The following DNAJC13 variants were observed in gnomAD, a reference collection of about 807,000 sequenced individuals.
DNAJC13 encodes dnaJ homolog subfamily C member 13.
A neutral mutation model predicts 290.5 loss-of-function variants in DNAJC13; 75 were observed. The ratio of observed to expected loss-of-function variants is 0.26; its 90% confidence interval spans 0.21 to 0.31. The LOEUF (loss-of-function observed/expected upper bound fraction) is 0.31, where lower values mean the gene tolerates loss of function less well. DNAJC13 is among the 10% of genes least tolerant of loss of function. The pLI, the probability that DNAJC13 is intolerant of heterozygous loss-of-function variation, is 1.00. For missense variants in DNAJC13, 2,260 were observed against 2,674.5 expected (o/e 0.85, Z 3.42); for synonymous variants, 862 against 892.0 (o/e 0.97, Z 0.60).
chr3:132,439,439 GT>G (rs530053502), intron 2 of DNAJC13, among the ~76,000 whole-genome samples: 10,354 of 141,582 alleles, frequency 0.073, 464 homozygotes, highest in Non-Finnish European at 0.11. Flanking sequence ...GGTTTTTTTT[GT>G]TTTTTTTTTT....
intron 8 of DNAJC13, 31 bp downstream of exon 8, chr3:132,453,725 A>T: frequency 6.6e-7 from 1 of 1,518,862 alleles, no homozygotes; most frequent in Non-Finnish European, 9.0e-7. Context: ...CTTAAATGAG[A>T]TTTCTTTCTA....
At chr3:132,466,642 T>C (rs930387567) in intron 19 of DNAJC13, among the ~76,000 whole-genome samples, 3 of 152,258 alleles carry the variant, frequency 2.0e-5, no homozygotes, top group Non-Finnish European at 4.4e-5. Flanking sequence ...ATTAATGTTA[T>C]GAATAGTGGT....
intron 20 of DNAJC13, among the ~76,000 whole-genome samples, chr3:132,469,859 C>T (rs1384518572): frequency 2.0e-5 from 3 of 149,782 alleles, no homozygotes; most frequent in South Asian, 2.1e-4. Context: ...TACAGACTTC[C>T]GTGTTTTAAT....
chr3:132,514,328 A>T (rs950081258), intron 45 of DNAJC13, among the ~76,000 whole-genome samples: 1 of 152,086 alleles, frequency 6.6e-6, no homozygotes, highest in Non-Finnish European at 1.5e-5. Context: ...ATTGGAAAAC[A>T]CTATAGTATA....
intron 20 of DNAJC13, among the ~76,000 whole-genome samples, chr3:132,469,272 T>TA (rs1934104401): frequency 6.6e-6 from 1 of 152,210 alleles, no homozygotes; most frequent in Non-Finnish European, 1.5e-5. Flanking sequence ...ATGCTGTAGT[T>TA]AGAGTCTGAA....
chr3:132,474,602 TG>T (rs1405554458), intron 21 of DNAJC13, among the ~76,000 whole-genome samples: 5 of 151,534 alleles, frequency 3.3e-5, no homozygotes, highest in African/African-American at 9.8e-5. Flanking sequence ...AAATATCAGG[TG>T]TTTTTTTTTT....
chr3:132,509,503 A>C (rs1005643430), intron 43 of DNAJC13, among the ~76,000 whole-genome samples: 1 of 152,270 alleles, frequency 6.6e-6, no homozygotes, highest in Non-Finnish European at 1.5e-5. Flanking sequence ...AGTATATTAC[A>C]TAAACTGAGT....
chr3:132,484,573 GA>G lies in DNAJC13; in HGVS notation c.3183-11del. 1 of 1,612,144 alleles carries G rather than the reference GA, an allele frequency of 6.2e-7. No homozygotes were observed. The highest frequency in any genetic ancestry group is 1.1e-5 in the South Asian group (1 of 91,032). On this transcript the variant is annotated splice_polypyrimidine_tract_variant and intron_variant, in intron 28 of 55. Coordinates refer to ENST00000260818, the MANE Select transcript of DNAJC13 (RefSeq NM_015268.4). ...ACAAATATATTAAATGTTGACGTGA[GA>G]AAATGTTTTCTAGGGATCAAGACAA...
chr3:132,477,765 T>C, intron 22 of DNAJC13, 24 bp from the exon 23 acceptor site: 9 of 1,542,928 alleles, frequency 5.8e-6, no homozygotes, highest in Non-Finnish European at 8.0e-6. Context: ...ACTAAAATAG[T>C]GTAATTTGCT....
chr3:132,529,117 C>T (rs1011178761), intron 54 of DNAJC13, among the ~76,000 whole-genome samples: 6 of 152,280 alleles, frequency 3.9e-5, no homozygotes, highest in South Asian at 2.1e-4. Context: ...CCCTTTCTTC[C>T]TTCCCCCAAC....
At chr3:132,526,857 T>C (rs1936273472) in intron 53 of DNAJC13, among the ~76,000 whole-genome samples, 1 of 152,130 alleles carries the variant, frequency 6.6e-6, no homozygotes, top group Admixed American at 6.5e-5. Context: ...AAAATGTAAC[T>C]CAAAGAACAA....
At chr3:132,481,174 C>G (rs1003413682) in intron 26 of DNAJC13, among the ~76,000 whole-genome samples, 8 of 152,046 alleles carry the variant, frequency 5.3e-5, no homozygotes, top group Admixed American at 2.6e-4. Flanking sequence ...GAGTTAAGAC[C>G]CAGAAGTCTA....
intron 43 of DNAJC13, 51 bp downstream of exon 43, chr3:132,507,404 G>C: frequency 2.8e-6 from 3 of 1,058,624 alleles, no homozygotes; most frequent in Non-Finnish European, 4.4e-6. Context: ...ATTTGTTACT[G>C]AAAGTTACTA....
Position 132,461,206 on chromosome 3 carries a change from G to A in DNAJC13, c.1713+1G>A. On this transcript the variant is annotated splice_donor_variant, in intron 15 of 55. Transcript: ENST00000260818. LOFTEE classifies it high-confidence loss of function. ...AAGAACCCTTTTTAAACTTTTTCAGGTGAGAGCTTGTATTTTTCTTGTCAG... is the reference window on the plus strand; with the variant it reads ...AAGAACCCTTTTTAAACTTTTTCAGATGAGAGCTTGTATTTTTCTTGTCAG... 1 of 1,613,824 alleles carries A rather than the reference G, an allele frequency of 6.2e-7. No homozygotes were observed. Among genetic ancestry groups the A allele is most frequent in the Non-Finnish European group, 8.5e-7 (1 of 1,179,860 alleles).
chr3:132,453,699 G>T lies in DNAJC13; in HGVS notation c.840+5G>T. The T allele has an allele frequency of 6.3e-7, 1 of 1,597,986 alleles. No homozygotes were observed. The highest frequency in any genetic ancestry group is 8.5e-7 in the Non-Finnish European group (1 of 1,173,178). ...ACATTGAAGCCTTTAGGAGAAGTAAGTTTCAGCATTGTTAGCTTAAATGAG... is the reference window on the plus strand; with the variant it reads ...ACATTGAAGCCTTTAGGAGAAGTAATTTTCAGCATTGTTAGCTTAAATGAG... On this transcript the variant is annotated splice_donor_5th_base_variant and intron_variant, in intron 8 of 55. Transcript: ENST00000260818.
intron 44 of DNAJC13, 77 bp downstream of exon 44, chr3:132,511,321 G>T (rs2107732075): frequency 6.8e-7 from 1 of 1,474,898 alleles, no homozygotes; most frequent in Non-Finnish European, 9.2e-7. Flanking sequence ...AATTTTATCA[G>T]GGAAACTCAG....
intron 39 of DNAJC13, among the ~76,000 whole-genome samples, chr3:132,501,833 G>A (rs1935427406): frequency 6.6e-6 from 1 of 152,136 alleles, no homozygotes; most frequent in Admixed American, 6.6e-5. Flanking sequence ...CAAGAAGTGA[G>A]GGAATTGATG....
In DNAJC13 at chr3:132,483,395, A is replaced by G; in HGVS notation, c.3000A>G (p.Lys1000=). 6.2e-7 allele frequency: 1 copy of G among 1,614,124 alleles called. No homozygotes were observed. Among genetic ancestry groups the G allele is most frequent in the Non-Finnish European group, 8.5e-7 (1 of 1,179,976 alleles). ...ATTAGATGCAAGAATTGTGGACCAA[A>G]GGAATGTTAAATGCAAAAACCAGAT... The part of the protein sequence containing the change: ...GFHEMQELWT[K]GMLNAKTRCW... The change falls in exon 28 of 56, where the codon AAA becomes AAG. Residue 1000 remains lysine (K), a synonymous_variant. Transcript: ENST00000260818.
chr3:132,509,709 C>A (rs924296738), intron 43 of DNAJC13, among the ~76,000 whole-genome samples: 5 of 152,200 alleles, frequency 3.3e-5, no homozygotes, highest in African/African-American at 4.8e-5. Flanking sequence ...CCTGATTAGT[C>A]AGCAGCTGTC....
Sources: allele counts gnomAD v4.1 joint callset (sites outside exome capture counted in the v4.1 genomes callset), GRCh38; gene constraint gnomAD v4.1.1; transcripts MANE v1.5; gene names NCBI Gene and HGNC (gene_info 2026-07-23, HGNC 2026-07-21).